The following STX2 variants were observed in gnomAD, a reference collection of about 807,000 sequenced individuals.
The protein encoded by STX2 is syntaxin 2.
STX2 carries 27 observed loss-of-function variants against 40.6 expected under a neutral mutation model. That is an observed-to-expected ratio of 0.66 (90% CI 0.49 to 0.92). The LOEUF (loss-of-function observed/expected upper bound fraction) is 0.92, where lower values mean the gene tolerates loss of function less well. Among genes scored for constraint, STX2 ranks in the 40% least tolerant of loss-of-function variants. The pLI is 0.00. For missense variants in STX2, 328 were observed against 366.1 expected, an observed-to-expected ratio of 0.90 and a Z score of 0.85; for synonymous variants, 123 against 119.1, an observed-to-expected ratio of 1.03 and a Z score of -0.22.
chr12:130,799,630 T>TG, intron 8 of STX2, among the ~76,000 whole-genome samples: 1 of 152,126 alleles, frequency 6.6e-6, no homozygotes, highest in African/African-American at 2.4e-5. Context: ...GTGTAGCTGT[T>TG]GGTTTCCTCT....
Position 130,806,964 on chromosome 12 carries a change from G to C in STX2, c.463+18C>G. On this transcript the variant is annotated intron_variant, in intron 6 of 10. Transcript: ENST00000392373. The stretch of plus-strand genomic sequence containing the variant: ...AGAAAAACATGATTTTAACAAAGAC[G>C]GAGTCTCCATTACTCACTTATCTCC... The C allele has an allele frequency of 6.2e-7, 1 of 1,602,630 alleles. No individual in the cohort carries two copies. Among genetic ancestry groups the C allele is most frequent in the South Asian group, 1.1e-5 (1 of 90,700 alleles).
intron 1 of STX2, among the ~76,000 whole-genome samples, chr12:130,831,866 A>ATT (rs60003050): frequency 5.6e-5 from 6 of 106,614 alleles, no homozygotes; most frequent in Admixed American, 9.8e-5. Flanking sequence ...CACTTCTGCA[A>ATT]TTTTTTTTTT....
intron 3 of STX2, among the ~76,000 whole-genome samples, chr12:130,816,369 G>A (rs1951858945): frequency 6.6e-6 from 1 of 152,092 alleles, no homozygotes; most frequent in Non-Finnish European, 1.5e-5. Context: ...CACAGCAGGG[G>A]TGGGGGGCAC....
intron 6 of STX2, among the ~76,000 whole-genome samples, chr12:130,806,161 A>G (rs1225709380): frequency 6.6e-6 from 1 of 152,252 alleles, no homozygotes; most frequent in East Asian, 1.9e-4. Flanking sequence ...GGACAAGGTC[A>G]AGCGGCCTGG....
chr12:130,791,864 G>C lies in STX2; in HGVS notation c.*159C>G, dbSNP rs1375959414. ...GCTGATTTGGTTGCAGATGTGGTCT[G>C]AGTCTCAAGGATAAATGGCTCTTGG... On this transcript the variant is annotated 3_prime_UTR_variant, in exon 11 of 11. Transcript: ENST00000392373. 3 of 1,571,092 alleles carry C rather than the reference G, an allele frequency of 1.9e-6. No homozygotes were observed. Among genetic ancestry groups the C allele is most frequent in the African/African-American group, 2.7e-5 (2 of 73,938 alleles).
chr12:130,802,545 T>C (rs1455500135), intron 6 of STX2, among the ~76,000 whole-genome samples: 3 of 152,162 alleles, frequency 2.0e-5, no homozygotes, highest in Non-Finnish European at 2.9e-5. Flanking sequence ...TCACCCAGAC[T>C]GGAGTGTAGT....
intron 5 of STX2, 40 bp downstream of exon 5, chr12:130,808,591 C>G (rs1294060069): frequency 6.5e-7 from 1 of 1,549,614 alleles, no homozygotes; most frequent in East Asian, 2.2e-5. Flanking sequence ...AACACTTATT[C>G]TGCGACATTA....
rs1476737220 is a variant in STX2 at position 130,808,716 on chromosome 12, T to C, written c.281-12A>G. ...ACTTTGTTCAATAGCTAGGAACAAA[T>C]AGGAAATAATTACCTTCCAAATTTA... On this transcript the variant is annotated splice_polypyrimidine_tract_variant and intron_variant, in intron 4 of 10. Transcript: ENST00000392373. 9 of 1,598,122 alleles carry C rather than the reference T, an allele frequency of 5.6e-6. No individual in the cohort carries two copies. The highest frequency in any genetic ancestry group is 1.3e-5 in the African/African-American group (1 of 74,266).
Position 130,798,387 on chromosome 12 carries a change from T to A in STX2, c.786+138A>T, listed in dbSNP as rs181505929. ...CCTTTTAAATTTTTAGCAAAAAAAATTATTTCCATTTTAAAATAAAACATT... is the reference window on the plus strand; with the variant it reads ...CCTTTTAAATTTTTAGCAAAAAAAAATATTTCCATTTTAAAATAAAACATT... On this transcript the variant is annotated intron_variant, in intron 9 of 10. Coordinates refer to ENST00000392373, the MANE Select transcript of STX2 (RefSeq NM_194356.4). 14 of 532,764 alleles carry A rather than the reference T, an allele frequency of 2.6e-5. No individual in the cohort carries two copies. In the East Asian group the frequency reaches 4.6e-4, roughly 17 times the overall value. The allele number at this position is 532,764 out of a possible 1,614,324, so 33.0% of individuals were successfully genotyped here. A position where few individuals can be genotyped will look rare whatever the true frequency, so the allele number is the denominator to read the frequency against.
intron 4 of STX2, 45 bp from the exon 5 acceptor site, chr12:130,808,749 A>C (rs1951536082): frequency 6.6e-7 from 1 of 1,511,632 alleles, no homozygotes; most frequent in East Asian, 2.3e-5. Flanking sequence ...TTAAAAATGA[A>C]AATGTTCCAA....
intron 8 of STX2, among the ~76,000 whole-genome samples, chr12:130,798,879 T>TA (rs1397538144): frequency 5.9e-5 from 9 of 152,348 alleles, no homozygotes; most frequent in African/African-American, 2.2e-4. Context: ...TGTTGATAAT[T>TA]AAAGGCACCT....
chr12:130,806,122 T>A (rs1951422487), intron 6 of STX2, among the ~76,000 whole-genome samples: 1 of 152,098 alleles, frequency 6.6e-6, no homozygotes, highest in Non-Finnish European at 1.5e-5. Context: ...AAAGAGTATC[T>A]AAAACATGAG....
intron 8 of STX2, among the ~76,000 whole-genome samples, chr12:130,799,644 A>T (rs1198214806): frequency 6.6e-6 from 1 of 152,032 alleles, no homozygotes; most frequent in Non-Finnish European, 1.5e-5. Context: ...TTCCTCTAGC[A>T]AATGCTTATA....
chr12:130,801,274 T>C lies in STX2; in HGVS notation c.554A>G (p.Gln185Arg), dbSNP rs1951215616. ...IFTSDIISDS[Q>R]ITRQALNEIE... Reference sequence around the variant, plus strand: ...TTCATTGAGAGCTTGTCTAGTAATTTGTGAATCTGATATAATCTTGGAAAA... The same window carrying C: ...TTCATTGAGAGCTTGTCTAGTAATTCGTGAATCTGATATAATCTTGGAAAA... Residue 185 changes from glutamine to arginine, a missense_variant, in exon 8 of 11, where the codon CAA becomes CGA. Physicochemically the swap from Gln to Arg is conservative, Grantham distance 43 (BLOSUM62 1). Transcript: ENST00000392373. 6.2e-7 allele frequency: 1 copy of C among 1,612,508 alleles called. No homozygotes were observed. The highest frequency in any genetic ancestry group is 8.5e-7 in the Non-Finnish European group (1 of 1,178,966).
chr12:130,799,037 A>T (rs1223771098), intron 8 of STX2, among the ~76,000 whole-genome samples: 1 of 152,258 alleles, frequency 6.6e-6, no homozygotes, highest in African/African-American at 2.4e-5. Flanking sequence ...TCCACAAAGT[A>T]GAAAATTGTA....
chr12:130,793,931 G>A (rs1347973996), intron 10 of STX2, among the ~76,000 whole-genome samples: 2 of 152,178 alleles, frequency 1.3e-5, no homozygotes, highest in Non-Finnish European at 2.9e-5. Flanking sequence ...ATCCTTCTAT[G>A]TTCATTCTTA....
At chr12:130,838,931 G>A in intron 1 of STX2, 139 bp downstream of exon 1, 2 of 741,222 alleles carry the variant, frequency 2.7e-6, no homozygotes, top group Non-Finnish European at 3.3e-6. Flanking sequence ...GACCCTGCCC[G>A]CAGCCCCCGC....
chr12:130,828,343 C>T (rs992498367), intron 1 of STX2, among the ~76,000 whole-genome samples: 15 of 151,700 alleles, frequency 9.9e-5, no homozygotes, highest in African/African-American at 3.6e-4. Flanking sequence ...TGCTTATGCC[C>T]CAACCTCCTG....
At chr12:130,809,893 C>CGTGTACCTG (rs1051321059) in intron 4 of STX2, among the ~76,000 whole-genome samples, 3 of 152,134 alleles carry the variant, frequency 2.0e-5, no homozygotes, top group African/African-American at 4.8e-5. Context: ...GACACAGTGG[C>CGTGTACCTG]GTGTACCTGT....
Sources: allele counts gnomAD v4.1 joint callset (sites outside exome capture counted in the v4.1 genomes callset), GRCh38; gene constraint gnomAD v4.1.1; transcripts MANE v1.5; gene names NCBI Gene and HGNC (gene_info 2026-07-23, HGNC 2026-07-21).